PRELP: variants seen among roughly 807,000 people sequenced by gnomAD.
PRELP encodes proline and arginine rich end leucine rich repeat protein, also known as prolargin.
PRELP carries 16 observed loss-of-function variants against 22.8 expected under a neutral mutation model. The ratio of observed to expected loss-of-function variants is 0.70; its 90% confidence interval spans 0.47 to 1.06. The LOEUF is 1.06. Among genes scored for constraint, PRELP ranks in the 50% least tolerant of loss-of-function variants. The pLI, the probability that PRELP is intolerant of heterozygous loss-of-function variation, is 0.00. For synonymous variants in PRELP, 233 were observed against 211.4 expected, an observed-to-expected ratio of 1.10 and a Z score of -0.89; for missense variants, 434 against 485.2, an observed-to-expected ratio of 0.89 and a Z score of 0.99.
In PRELP at chr1:203,486,957, T is replaced by C; in HGVS notation, c.*76T>C. On this transcript the variant is annotated 3_prime_UTR_variant, in exon 3 of 3. Coordinates refer to ENST00000343110, the MANE Select transcript of PRELP (RefSeq NM_002725.4). ...CAGGCACCTGTGCCGGCCATTCGTTTTCTCTCTCTCCCTTTCTTTCTCCCA... is the reference window on the plus strand; with the variant it reads ...CAGGCACCTGTGCCGGCCATTCGTTCTCTCTCTCTCCCTTTCTTTCTCCCA... 7.0e-7 allele frequency: 1 copy of C among 1,421,164 alleles called. No individual in the cohort carries two copies. Among genetic ancestry groups the C allele is most frequent in the Non-Finnish European group, 9.5e-7 (1 of 1,055,172 alleles). The allele number at this position is 1,421,164 out of a possible 1,614,324, so 88.0% of individuals were successfully genotyped here. A position where few individuals can be genotyped will look rare whatever the true frequency, so the allele number is the denominator to read the frequency against.
rs1391292051 is a variant in PRELP at position 203,483,495 on chromosome 1, T to C, written c.311T>C (p.Ile104Thr). Residue 104 changes from isoleucine (I) to threonine (T), a missense_variant, in exon 2 of 3, where the codon ATC becomes ACC. By Grantham distance (89) the Ile-to-Thr change is moderately conservative. Coordinates refer to ENST00000343110, the MANE Select transcript of PRELP (RefSeq NM_002725.4). This position sits in a 1 kb window ranked among gnomAD's most constrained non-coding sequence, Gnocchi z 4.4. ...AAGGTCCCTGTCATCCCGCCCCGCA[T>C]CCATTACCTCTATCTCCAGAACAAC... is the stretch of plus-strand genomic sequence containing the variant. ...LRKVPVIPPRIHYLYLQNNFI... is the reference protein window; with the variant it reads ...LRKVPVIPPRTHYLYLQNNFI... The C allele has an allele frequency of 6.2e-7, 1 of 1,614,144 alleles. No individual in the cohort carries two copies. Among genetic ancestry groups the C allele is most frequent in the African/African-American group, 1.3e-5 (1 of 75,022 alleles).
In PRELP at chr1:203,486,865, A is replaced by T; in HGVS notation, c.1133A>T (p.Gln378Leu). 6.2e-7 allele frequency: 1 copy of T among 1,613,872 alleles called. No individual in the cohort carries two copies. The highest frequency in any genetic ancestry group is 8.5e-7 in the Non-Finnish European group (1 of 1,179,852). ...CTCATGATGTGCTTCCGCCTCCTGCAGTCCGTGGTCATCTAGGCCCTACTC... is the reference window on the plus strand; with the variant it reads ...CTCATGATGTGCTTCCGCCTCCTGCTGTCCGTGGTCATCTAGGCCCTACTC... ...LDLMMCFRLL[Q>L]SVVI is the part of the protein sequence containing the mutation. The change falls in exon 3 of 3, where the codon CAG becomes CTG. Residue 378 changes from glutamine to leucine, a missense_variant. Physicochemically the swap from Gln to Leu is moderately radical, Grantham distance 113. Coordinates refer to ENST00000343110, the MANE Select transcript of PRELP (RefSeq NM_002725.4).
At chr1:203,485,028 T>C (rs561848996) in intron 2 of PRELP, among the ~76,000 whole-genome samples, 42 of 152,200 alleles carry the variant, frequency 2.8e-4, no homozygotes, top group Admixed American at 7.2e-4. Context: ...AGAATGATAT[T>C]TGGGGATCCT....
In PRELP at chr1:203,486,959, C is replaced by G. The variant is rs531113414; in HGVS notation, c.*78C>G. 11 of 1,402,560 alleles carry G rather than the reference C, an allele frequency of 7.8e-6. No homozygotes were observed. The East Asian group carries it at 2.8e-4, about 36-fold the overall frequency. The allele number at this position is 1,402,560 out of a possible 1,614,324, so 86.9% of individuals were successfully genotyped here. ...GGCACCTGTGCCGGCCATTCGTTTTCTCTCTCTCCCTTTCTTTCTCCCAGC... is the reference window on the plus strand; with the variant it reads ...GGCACCTGTGCCGGCCATTCGTTTTGTCTCTCTCCCTTTCTTTCTCCCAGC... On this transcript the variant is annotated 3_prime_UTR_variant, in exon 3 of 3. Transcript: ENST00000343110.
chr1:203,486,990 C>T lies in PRELP; in HGVS notation c.*109C>T. 1 of 1,247,342 alleles carries T rather than the reference C, an allele frequency of 8.0e-7. No individual in the cohort carries two copies. The highest frequency in any genetic ancestry group is 1.1e-6 in the Non-Finnish European group (1 of 921,732). 77.3% of individuals were successfully genotyped at this position (1,247,342 alleles called of 1,614,324 possible). On this transcript the variant is annotated 3_prime_UTR_variant, in exon 3 of 3. Coordinates refer to ENST00000343110, the MANE Select transcript of PRELP (RefSeq NM_002725.4). ...CTCCCTTTCTTTCTCCCAGCTTTGC[C>T]TCCCTTATCCCACCCTCGAGGCAGG...
intron 1 of PRELP, among the ~76,000 whole-genome samples, chr1:203,477,260 C>T (rs1270699635): frequency 6.6e-6 from 1 of 152,052 alleles, no homozygotes; most frequent in Non-Finnish European, 1.5e-5. Context: ...GAATCAGGGG[C>T]CTGAGAGAGA....
intron 2 of PRELP, among the ~76,000 whole-genome samples, chr1:203,484,858 T>C (rs1661066674): frequency 6.6e-6 from 1 of 152,222 alleles, no homozygotes; most frequent in Admixed American, 6.5e-5. Flanking sequence ...AGTTGCAGTT[T>C]TGCTTCAATC....
rs148164227 is a variant in PRELP at position 203,478,710 on chromosome 1, G to T, written c.-17+2772G>T. On this transcript the variant is annotated intron_variant, in intron 1 of 2. Coordinates refer to ENST00000343110, the MANE Select transcript of PRELP (RefSeq NM_002725.4). ...GGGTGAGAATCTTCTCTCCTAACTA[G>T]TATGCACCACAGGCTCTCCTCCCAC... Among the ~76,000 whole-genome samples, 3 of 152,198 alleles carry T rather than the reference G, an allele frequency of 2.0e-5. No individual in the cohort carries two copies. In the East Asian group the frequency reaches 5.8e-4, roughly 29 times the overall value.
chr1:203,482,884 C>G (rs561618599), intron 1 of PRELP, among the ~76,000 whole-genome samples: 13 of 152,242 alleles, frequency 8.5e-5, no homozygotes, highest in Middle Eastern at 3.4e-3. Context: ...GTGTGAGCCA[C>G]CGCACCTGGC....
intron 1 of PRELP, among the ~76,000 whole-genome samples, chr1:203,482,427 C>T (rs1661016748): frequency 6.7e-6 from 1 of 150,296 alleles, no homozygotes; most frequent in African/African-American, 2.5e-5. Context: ...TACAGGTGTC[C>T]AACACCACAC....
At chr1:203,476,701 G>A (rs905232250) in intron 1 of PRELP, among the ~76,000 whole-genome samples, 1 of 152,094 alleles carries the variant, frequency 6.6e-6, no homozygotes, top group Non-Finnish European at 1.5e-5. Flanking sequence ...TTTCCAACCT[G>A]CACAGTGTCT....
intron 2 of PRELP, among the ~76,000 whole-genome samples, chr1:203,484,857 T>C (rs977946506): frequency 1.3e-5 from 2 of 152,178 alleles, no homozygotes; most frequent in African/African-American, 4.8e-5. Context: ...AAGTTGCAGT[T>C]TTGCTTCAAT....
At chr1:203,482,585 A>G (rs934129799) in intron 1 of PRELP, among the ~76,000 whole-genome samples, 6 of 109,064 alleles carry the variant, frequency 5.5e-5, no homozygotes, top group Non-Finnish European at 9.0e-5. Flanking sequence ...ACCAGCCCCA[A>G]TGTGCCTTTT....
chr1:203,488,761 G>T lies in PRELP; in HGVS notation c.*1880G>T, dbSNP rs886363447. 8 of 152,210 alleles carry T rather than the reference G, an allele frequency of 5.3e-5. No individual in the cohort carries two copies. The highest frequency in any genetic ancestry group is 1.9e-4 in the African/African-American group (8 of 41,430). 9.4% of individuals were successfully genotyped at this position (152,210 alleles called of 1,614,324 possible). A position where few individuals can be genotyped will look rare whatever the true frequency, so the allele number is the denominator to read the frequency against. On this transcript the variant is annotated 3_prime_UTR_variant, in exon 3 of 3. Transcript: ENST00000343110. ...AGTGGAACCCGGTCCAGACAGGGCT[G>T]CCTCGACTTCACCTTTCCCCCTAAC...
At chr1:203,477,380 G>C (rs544376222) in intron 1 of PRELP, among the ~76,000 whole-genome samples, 2 of 152,182 alleles carry the variant, frequency 1.3e-5, no homozygotes, top group African/African-American at 4.8e-5. Flanking sequence ...CTCTTTTTTG[G>C]GGAGTGGGAG....
At chr1:203,485,789 C>T (rs768359402) in intron 2 of PRELP, among the ~76,000 whole-genome samples, 43 of 152,268 alleles carry the variant, frequency 2.8e-4, no homozygotes, top group South Asian at 8.3e-4. Flanking sequence ...TGAGGCAAGG[C>T]TTAGGGAGAA....
chr1:203,483,730 C>T lies in PRELP; in HGVS notation c.546C>T (p.His182=), dbSNP rs1167285388. 1.9e-6 allele frequency: 3 copies of T among 1,614,254 alleles called. No individual in the cohort carries two copies. The highest frequency in any genetic ancestry group is 4.5e-5 in the East Asian group (2 of 44,884). Residue 182 remains histidine (H), a synonymous_variant, in exon 2 of 3, where the codon CAC becomes CAT. Coordinates refer to ENST00000343110, the MANE Select transcript of PRELP (RefSeq NM_002725.4). The surrounding 1 kb of genome is among the most constrained non-coding windows in gnomAD (Gnocchi z 4.4). The part of the protein sequence containing the change: ...NLEQLRLSQN[H]ISRIPPGVFS... Reference sequence around the variant, plus strand: ...AGCAGCTGAGGCTGAGCCAGAACCACATCTCCAGAATCCCGCCTGGTGTCT... The same window carrying T: ...AGCAGCTGAGGCTGAGCCAGAACCATATCTCCAGAATCCCGCCTGGTGTCT...
At chr1:203,481,429 C>T (rs1660998521) in intron 1 of PRELP, among the ~76,000 whole-genome samples, 1 of 152,214 alleles carries the variant, frequency 6.6e-6, no homozygotes, top group South Asian at 2.1e-4. Flanking sequence ...CAACAAGACT[C>T]AAGCTTAAAG....
intron 2 of PRELP, 33 bp from the exon 3 acceptor site, chr1:203,486,673 T>C (rs1430678855): frequency 6.3e-7 from 1 of 1,584,418 alleles, no homozygotes. Context: ...CAGCCTCCAC[T>C]CCCTTCTGAT....
Sources: allele counts gnomAD v4.1 joint callset (sites outside exome capture counted in the v4.1 genomes callset), GRCh38; gene constraint gnomAD v4.1.1; non-coding constraint Gnocchi (gnomAD v3.1); transcripts MANE v1.5; gene names NCBI Gene and HGNC (gene_info 2026-07-23, HGNC 2026-07-21).